P4HA3: variants seen among roughly 807,000 people sequenced by gnomAD.
P4HA3 encodes prolyl 4-hydroxylase subunit alpha-3.
P4HA3 carries 60 observed loss-of-function variants against 66.7 expected under a neutral mutation model. The observed-to-expected ratio is 0.90, with a 90% CI of 0.73 to 1.12. The LOEUF (loss-of-function observed/expected upper bound fraction) is 1.12. Among genes scored for constraint, P4HA3 ranks in the 50% most tolerant of loss-of-function variants. The pLI is 0.00. For missense variants in P4HA3, 683 were observed against 685.8 expected, an observed-to-expected ratio of 1.00 and a Z score of 0.05; for synonymous variants, 263 against 274.6, an observed-to-expected ratio of 0.96 and a Z score of 0.42.
chr11:74,267,083 C>T lies in P4HA3; in HGVS notation c.*165G>A, dbSNP rs770983563. On this transcript the variant is annotated 3_prime_UTR_variant, in exon 13 of 13. Transcript: ENST00000331597. Reference sequence around the variant, plus strand: ...AGATCAAATGTACATTCTCAGTGTCCCCTGGTAACAACCTCTCCCTTGCCT... The same window carrying T: ...AGATCAAATGTACATTCTCAGTGTCTCCTGGTAACAACCTCTCCCTTGCCT... 2 of 1,538,096 alleles carry T rather than the reference C, an allele frequency of 1.3e-6. No homozygotes were observed.
chr11:74,257,141 T>C (rs73549063), intron 15 of P4HA3, among the ~76,000 whole-genome samples: 9,599 of 152,208 alleles, frequency 0.063, 1,001 homozygotes, highest in African/African-American at 0.22. Flanking sequence ...TTTCTTTCTT[T>C]TTTTTAGACA....
intron 15 of P4HA3, chr11:74,253,876 A>G (rs1859768088): frequency 2.7e-6 from 1 of 368,310 alleles, no homozygotes; most frequent in East Asian, 4.9e-5. Context: ...TCCCAGGCTC[A>G]GGGACCTCCA....
intron 3 of P4HA3, among the ~76,000 whole-genome samples, chr11:74,299,546 G>A (rs1861335328): frequency 6.6e-6 from 1 of 151,610 alleles, no homozygotes; most frequent in African/African-American, 2.4e-5. Context: ...GTTTAATTAA[G>A]ATTTCCATGA....
chr11:74,251,393 T>C, intron 15 of P4HA3: 1 of 1,368,326 alleles, frequency 7.3e-7, no homozygotes, highest in Non-Finnish European at 9.4e-7. Flanking sequence ...AACACCATTC[T>C]GTAACTCTGA....
At chr11:74,281,845 G>C (rs1037122096) in intron 7 of P4HA3, among the ~76,000 whole-genome samples, 20 of 146,602 alleles carry the variant, frequency 1.4e-4, no homozygotes, top group Non-Finnish European at 4.5e-5. Context: ...TGCACAATGT[G>C]CACATGTACC....
intron 9 of P4HA3, among the ~76,000 whole-genome samples, chr11:74,273,919 A>G (rs1591094679): frequency 6.6e-6 from 1 of 152,194 alleles, no homozygotes; most frequent in Admixed American, 6.5e-5. Flanking sequence ...AGAAATTAAT[A>G]TATAAAATAT....
chr11:74,305,648 A>C (rs1468525213), intron 1 of P4HA3, among the ~76,000 whole-genome samples: 1 of 152,242 alleles, frequency 6.6e-6, no homozygotes, highest in Non-Finnish European at 1.5e-5. Context: ...AAGTCAATCT[A>C]CACGAGTTAT....
downstream of P4HA3, among the ~76,000 whole-genome samples, chr11:74,262,240 T>G (rs151232707): frequency 1.3e-5 from 2 of 152,252 alleles, no homozygotes; most frequent in African/African-American, 2.4e-5. Context: ...AGATAATCCT[T>G]GATTACACCA....
At chr11:74,281,902 AG>A (rs1335222705) in intron 7 of P4HA3, among the ~76,000 whole-genome samples, 1 of 146,598 alleles carries the variant, frequency 6.8e-6, no homozygotes, top group African/African-American at 2.5e-5. Flanking sequence ...TAATAATAAA[AG>A]TTTGGGACAA....
intron 5 of P4HA3, 70 bp from the exon 6 acceptor site, chr11:74,286,461 G>A (rs974789825): frequency 2.2e-5 from 31 of 1,405,758 alleles, no homozygotes; most frequent in Non-Finnish European, 2.8e-5. Flanking sequence ...GTGCCACCAA[G>A]GTTTCCTCCA....
chr11:74,275,174 A>T (rs1860353853), intron 9 of P4HA3, among the ~76,000 whole-genome samples: 1 of 152,148 alleles, frequency 6.6e-6, no homozygotes. Context: ...AAAGAATTTT[A>T]ATTTGATAAG....
chr11:74,296,964 A>G (rs12417457), intron 4 of P4HA3, among the ~76,000 whole-genome samples: 5,755 of 108,438 alleles, frequency 0.053, 121 homozygotes, highest in Middle Eastern at 0.18. Context: ...ATGCAGTTTC[A>G]CTTGTTTCCC....
At chr11:74,298,405 G>A in intron 3 of P4HA3, 44 bp from the exon 4 acceptor site, 1 of 1,569,752 alleles carries the variant, frequency 6.4e-7, no homozygotes, top group Non-Finnish European at 8.6e-7. Flanking sequence ...TATTCCACAG[G>A]TAGAAAAAGA....
downstream of P4HA3, among the ~76,000 whole-genome samples, chr11:74,264,846 C>T (rs1452151496): frequency 6.6e-6 from 1 of 152,228 alleles, no homozygotes; most frequent in Admixed American, 6.5e-5. Context: ...ACAGCACCCA[C>T]TGAGCCCAGG....
chr11:74,281,919 T>TA (rs1555087078), intron 7 of P4HA3, among the ~76,000 whole-genome samples: 20 of 139,192 alleles, frequency 1.4e-4, no homozygotes, highest in African/African-American at 5.3e-4. Context: ...GACAAAAAAA[T>TA]AAAAAATAAA....
chr11:74,282,065 T>C (rs1860623301), intron 7 of P4HA3, among the ~76,000 whole-genome samples: 1 of 151,118 alleles, frequency 6.6e-6, no homozygotes, highest in Non-Finnish European at 1.5e-5. Context: ...CTGAGCCATT[T>C]GTAGAGGAGA....
intron 1 of P4HA3, among the ~76,000 whole-genome samples, chr11:74,305,919 C>A (rs1156609067): frequency 2.6e-5 from 4 of 152,042 alleles, no homozygotes; most frequent in Non-Finnish European, 4.4e-5. Context: ...ATTACAGATG[C>A]AATACCAGAT....
At chr11:74,307,082 G>A (rs184367097) in intron 1 of P4HA3, among the ~76,000 whole-genome samples, 44 of 152,268 alleles carry the variant, frequency 2.9e-4, no homozygotes, top group Non-Finnish European at 5.7e-4. Context: ...AACAATTGAG[G>A]CTGAGAGGGC....
chr11:74,306,640 G>C (rs2134832311), intron 1 of P4HA3, among the ~76,000 whole-genome samples: 1 of 152,300 alleles, frequency 6.6e-6, no homozygotes, highest in Non-Finnish European at 1.5e-5. Flanking sequence ...GAAAAATAGA[G>C]GAAGTGGCAA....
Sources: gnomAD v4.1 joint callset for allele counts (sites outside exome capture counted in the v4.1 genomes callset) on GRCh38, gnomAD v4.1.1 for gene constraint, MANE v1.5 for transcripts, NCBI Gene and HGNC (gene_info 2026-07-23, HGNC 2026-07-21) for gene names.